The following GPA33 variants were observed in gnomAD, a reference collection of about 807,000 sequenced individuals.
GPA33 encodes glycoprotein A33, also known as cell surface A33 antigen.
A neutral mutation model predicts 35.6 loss-of-function variants in GPA33; 27 were observed. That is an observed-to-expected ratio of 0.76 (90% CI 0.56 to 1.04). The LOEUF (loss-of-function observed/expected upper bound fraction) is 1.04. Ranked by LOEUF, GPA33 falls within the 50% of genes least tolerant of loss-of-function variation. The probability of loss-of-function intolerance (pLI) is 0.00; values close to 1 mark genes in which losing one functional copy is unlikely to be tolerated. For synonymous variants in GPA33, 176 were observed against 164.0 expected (o/e 1.07, Z -0.56); for missense variants, 428 against 411.9 (o/e 1.04, Z -0.34).
chr1:167,055,255 A>G, intron 5 of GPA33, 144 bp from the exon 6 acceptor site: 1 of 737,130 alleles, frequency 1.4e-6, no homozygotes, highest in Non-Finnish European at 2.2e-6. Flanking sequence ...GCCATGGCCC[A>G]GGAATATTCT....
intron 4 of GPA33, among the ~76,000 whole-genome samples, chr1:167,061,320 T>C (rs1161258128): frequency 1.3e-5 from 2 of 152,164 alleles, no homozygotes; most frequent in South Asian, 4.1e-4. Flanking sequence ...GGTCTCCATA[T>C]ACACACTTTG....
intron 2 of GPA33, among the ~76,000 whole-genome samples, chr1:167,069,882 A>G (rs139019042): frequency 3.4e-3 from 516 of 152,372 alleles, no homozygotes; most frequent in African/African-American, 0.012. Context: ...AGTGCTAGCC[A>G]TTATTATAAC....
In GPA33 at chr1:167,063,658, C is replaced by A. The variant is rs2228399; in HGVS notation, c.495G>T (p.Lys165Asn). 2.8e-3 allele frequency: 4,538 copies of A among 1,613,588 alleles called. 110 individuals are homozygous for A. In the African/African-American group the frequency reaches 0.054, roughly 19 times the overall value. ...GNNIQLTCQSKEGSPTPQYSW... is the reference protein window; with the variant it reads ...GNNIQLTCQSNEGSPTPQYSW... ...TGTACTGAGGGGTTGGTGAGCCCTC[C>A]TTTGATTGGCAGGTCAGCTGGATGT... Residue 165 changes from lysine to asparagine, a missense_variant, in exon 4 of 7, where the codon AAG becomes AAT. By Grantham distance (94) the Lys-to-Asn change is moderately conservative (BLOSUM62 0). Transcript: ENST00000367868.
chr1:167,077,418 G>A (rs1558009819), intron 1 of GPA33, among the ~76,000 whole-genome samples: 1 of 152,096 alleles, frequency 6.6e-6, no homozygotes, highest in African/African-American at 2.4e-5. Context: ...TCCTTGCCTG[G>A]ACCAGGGCAT....
intron 1 of GPA33, among the ~76,000 whole-genome samples, chr1:167,088,863 G>A (rs898329529): frequency 9.9e-5 from 15 of 152,176 alleles, no homozygotes; most frequent in Admixed American, 2.0e-4. Flanking sequence ...AGCCAGGGAA[G>A]GATGGGTATT....
chr1:167,056,838 TGAGTGTGTA>T (rs1666308767), intron 4 of GPA33, among the ~76,000 whole-genome samples: 5 of 12,632 alleles, frequency 4.0e-4, no homozygotes, highest in African/African-American at 6.2e-4. Context: ...GTGTGTGTGG[TGAGTGTGTA>T]ATGTGTGTGG....
At chr1:167,076,141 G>A (rs772911069) in intron 1 of GPA33, among the ~76,000 whole-genome samples, 2 of 152,150 alleles carry the variant, frequency 1.3e-5, no homozygotes, top group Non-Finnish European at 2.9e-5. Context: ...AGGAGTTTAC[G>A]CCCTTTTTCC....
intron 1 of GPA33, among the ~76,000 whole-genome samples, chr1:167,076,609 A>G (rs1188069727): frequency 1.3e-5 from 2 of 152,096 alleles, no homozygotes; most frequent in Non-Finnish European, 2.9e-5. Flanking sequence ...AAAGTCAGCC[A>G]CCCTCCTGGA....
At chr1:167,064,620 C>A (rs1258800111) in intron 3 of GPA33, among the ~76,000 whole-genome samples, 2 of 152,308 alleles carry the variant, frequency 1.3e-5, no homozygotes, top group East Asian at 1.9e-4. Context: ...GCTACTTTTT[C>A]TCTTTAAATA....
Position 167,055,058 on chromosome 1 carries a change from G to C in GPA33, c.745C>G (p.Leu249Val). 6.2e-7 allele frequency: 1 copy of C among 1,613,708 alleles called. No individual in the cohort carries two copies. Among genetic ancestry groups the C allele is most frequent in the Non-Finnish European group, 8.5e-7 (1 of 1,179,988 alleles). Reference sequence around the variant, plus strand: ...TAGATGATGATGCCAATGATAATGAGGGCTGCAACCACGCCCACCGCGATG... The same window carrying C: ...TAGATGATGATGCCAATGATAATGACGGCTGCAACCACGCCCACCGCGATG... The part of the protein sequence containing the change: ...VGIAVGVVAA[L>V]IIIGIIIYCC... The change falls in exon 6 of 7, where the codon CTC (leucine) becomes GTC (valine). Residue 249 changes from leucine to valine, a missense_variant. Physicochemically the swap from Leu to Val is conservative, Grantham distance 32. Coordinates refer to ENST00000367868, the MANE Select transcript of GPA33 (RefSeq NM_005814.3).
intron 4 of GPA33, among the ~76,000 whole-genome samples, chr1:167,062,846 C>G (rs56182791): frequency 6.6e-6 from 1 of 151,532 alleles, no homozygotes; most frequent in Admixed American, 6.6e-5. Context: ...GGGTCCGTGA[C>G]GGCTGAGAGG....
intron 1 of GPA33, among the ~76,000 whole-genome samples, chr1:167,082,934 T>C (rs1016977999): frequency 6.9e-4 from 105 of 152,170 alleles, no homozygotes; most frequent in African/African-American, 2.5e-3. Context: ...GCTTGACGGT[T>C]GGTGCCCCAG....
At chr1:167,056,746 G>A (rs1382808468) in intron 4 of GPA33, among the ~76,000 whole-genome samples, 1 of 1,408 alleles carries the variant, frequency 7.1e-4, no homozygotes, top group South Asian at 0.028. Context: ...GGTGTGTGTG[G>A]TGTGTGTATG....
rs1666204274 is a variant in GPA33 at position 167,054,933 on chromosome 1, T to C, written c.827+43A>G. On this transcript the variant is annotated intron_variant, in intron 6 of 6. Transcript: ENST00000367868. ...GAGGAATTGGGAAGCATATTTCCAG[T>C]CTCCCCAGACCCTTCCAACAGGCTA... is the stretch of plus-strand genomic sequence containing the variant. 4.4e-6 allele frequency: 7 copies of C among 1,603,628 alleles called. No individual in the cohort carries two copies. The South Asian group carries it at 7.8e-5, about 18-fold the overall frequency.
chr1:167,069,224 A>C (rs1364238483), intron 2 of GPA33, 86 bp from the exon 3 acceptor site: 15 of 843,182 alleles, frequency 1.8e-5, no homozygotes, highest in Non-Finnish European at 2.9e-5. Flanking sequence ...CTCATCCCCC[A>C]GTTTCCAGGG....
chr1:167,056,585 T>G, intron 4 of GPA33, among the ~76,000 whole-genome samples: 1 of 2,712 alleles, frequency 3.7e-4, no homozygotes, highest in Non-Finnish European at 1.1e-3. Flanking sequence ...GGCATATGTG[T>G]GGTATGTGTG....
intron 4 of GPA33, among the ~76,000 whole-genome samples, chr1:167,060,475 T>C (rs56987982): frequency 0.019 from 2,887 of 152,342 alleles, 81 homozygotes; most frequent in African/African-American, 0.065. Flanking sequence ...CAGGGCATGT[T>C]GTTATGGACA....
chr1:167,080,137 C>T (rs1033823870), intron 1 of GPA33, among the ~76,000 whole-genome samples: 3 of 152,186 alleles, frequency 2.0e-5, no homozygotes, highest in Non-Finnish European at 2.9e-5. Context: ...CAGTCACTCC[C>T]TTTGCCCTGT....
intron 4 of GPA33, among the ~76,000 whole-genome samples, chr1:167,056,666 A>AAGGTGTATTTGTG: frequency 7.0e-4 from 1 of 1,436 alleles, no homozygotes; most frequent in East Asian, 0.017. Flanking sequence ...TGGTACGGTG[A>AAGGTGTATTTGTG]GTGTGTGATG....
Sources: gnomAD v4.1 joint callset for allele counts (sites outside exome capture counted in the v4.1 genomes callset) on GRCh38, gnomAD v4.1.1 for gene constraint, MANE v1.5 for transcripts, NCBI Gene and HGNC (gene_info 2026-07-23, HGNC 2026-07-21) for gene names.